Variants in LRRC37A2 observed in about 807,000 individuals in gnomAD.
The protein encoded by LRRC37A2 is leucine rich repeat containing 37 member A2.
Under a neutral mutation model 68.8 loss-of-function variants are expected in LRRC37A2, and 9 were observed. That is an observed-to-expected ratio of 0.13 (90% confidence interval 0.08 to 0.23). The LOEUF (loss-of-function observed/expected upper bound fraction) is 0.23. LRRC37A2 is among the 10% of genes least tolerant of loss of function. The pLI, the probability that LRRC37A2 is intolerant of heterozygous loss-of-function variation, is 1.00. For synonymous variants in LRRC37A2, 63 were observed against 367.6 expected (o/e 0.17, Z 9.48); for missense variants, 168 against 950.4 (o/e 0.18, Z 10.82).
the LRRC37A2 span, chr17:46,938,687 A>G: frequency 6.2e-7 from 1 of 1,613,534 alleles, no homozygotes; most frequent in Non-Finnish European, 8.5e-7. Flanking sequence ...GCTTTCCAGG[A>G]CAAGTACTTT....
At chr17:46,676,208 G>A in the LRRC37A2 span, among the ~76,000 whole-genome samples, 1 of 146,132 alleles carries the variant, frequency 6.8e-6, no homozygotes, top group Non-Finnish European at 1.5e-5. Flanking sequence ...TGGAAGCTGG[G>A]AAATCTCCTA....
the LRRC37A2 span, among the ~76,000 whole-genome samples, chr17:46,982,222 C>A: frequency 1.8e-4 from 28 of 152,296 alleles, no homozygotes; most frequent in South Asian, 5.6e-3. Flanking sequence ...TGCTTTGGCC[C>A]AATTGGATTT....
At chr17:47,018,657 G>A in the LRRC37A2 span, 1 of 1,520,218 alleles carries the variant, frequency 6.6e-7, no homozygotes, top group East Asian at 2.3e-5. Flanking sequence ...TATTAATAAT[G>A]AGAACCCCTC....
the LRRC37A2 span, among the ~76,000 whole-genome samples, chr17:46,716,809 C>T: frequency 6.6e-6 from 1 of 152,192 alleles, no homozygotes; most frequent in Non-Finnish European, 1.5e-5. Flanking sequence ...CACATGAACA[C>T]ATATACCCCC....
the LRRC37A2 span, among the ~76,000 whole-genome samples, chr17:46,392,213 CTTTTTT>C: frequency 1.7e-5 from 1 of 59,412 alleles, no homozygotes; most frequent in Non-Finnish European, 3.8e-5. Flanking sequence ...TTTCTTTTTT[CTTTTTT>C]TTTTTTTTTT....
the LRRC37A2 span, among the ~76,000 whole-genome samples, chr17:46,974,171 C>T: frequency 2.0e-5 from 3 of 152,232 alleles, no homozygotes; most frequent in Non-Finnish European, 4.4e-5. Context: ...GGGATTTGAC[C>T]TAGGCCCTGA....
the LRRC37A2 span, among the ~76,000 whole-genome samples, chr17:46,863,870 G>T: frequency 2.8e-4 from 42 of 152,310 alleles, no homozygotes; most frequent in African/African-American, 1.0e-3. Flanking sequence ...ATCCCAGGGG[G>T]TGTCCTGGAC....
the LRRC37A2 span, among the ~76,000 whole-genome samples, chr17:46,962,910 A>C: frequency 6.6e-6 from 1 of 152,210 alleles, no homozygotes; most frequent in African/African-American, 2.4e-5. Flanking sequence ...CTAACTCATC[A>C]TTTTCATCAA....
chr17:46,924,331 G>A, the LRRC37A2 span: 1 of 152,816 alleles, frequency 6.5e-6, no homozygotes, highest in Non-Finnish European at 1.5e-5. Flanking sequence ...TCCGTTTTAT[G>A]TGTCTACCAC....
chr17:46,869,750 G>C, the LRRC37A2 span, among the ~76,000 whole-genome samples: 1 of 152,106 alleles, frequency 6.6e-6, no homozygotes, highest in Non-Finnish European at 1.5e-5. Flanking sequence ...TGTAATTCCA[G>C]CACTCTGGGA....
At chr17:46,891,489 A>T in the LRRC37A2 span, among the ~76,000 whole-genome samples, 1 of 152,138 alleles carries the variant, frequency 6.6e-6, no homozygotes, top group Non-Finnish European at 1.5e-5. Context: ...TCACCCCACC[A>T]TCTGCAACGT....
the LRRC37A2 span, among the ~76,000 whole-genome samples, chr17:46,760,432 A>G: frequency 6.6e-6 from 1 of 151,624 alleles, no homozygotes; most frequent in Non-Finnish European, 1.5e-5. Flanking sequence ...GGAGTTCAAG[A>G]CCAGCCTGAG....
At chr17:47,000,111 TAA>T in the LRRC37A2 span, among the ~76,000 whole-genome samples, 1 of 134,268 alleles carries the variant, frequency 7.4e-6, no homozygotes, top group African/African-American at 2.6e-5. Flanking sequence ...TAAAATAAAA[TAA>T]AATAAAATAA....
At chr17:46,759,440 A>C in the LRRC37A2 span, among the ~76,000 whole-genome samples, 4 of 152,246 alleles carry the variant, frequency 2.6e-5, no homozygotes, top group African/African-American at 9.6e-5. Flanking sequence ...CAAAATATCC[A>C]AGGAGGGATC....
At chr17:46,611,976 T>TTA in the LRRC37A2 span, among the ~76,000 whole-genome samples, 2 of 101,558 alleles carry the variant, frequency 2.0e-5, no homozygotes, top group African/African-American at 4.5e-5. Flanking sequence ...TATATATATT[T>TTA]TATATATATG....
In LRRC37A2 at chr17:46,534,773, C is replaced by T. The variant is rs1450470261; in HGVS notation, c.2907-5403C>T. On this transcript the variant is annotated intron_variant, in intron 6 of 14. Transcript: ENST00000576629. ...CTCCTCACTTCCCAGAAGGGGCAGC[C>T]GGGCAGAGGCGCCCCCCCACCTCCC... Among the ~76,000 whole-genome samples, 9 of 149,618 alleles carry T rather than the reference C, an allele frequency of 6.0e-5. No individual in the cohort carries two copies. The South Asian group carries it at 6.3e-4, about 10-fold the overall frequency.
chr17:47,031,921 C>CA, the LRRC37A2 span, among the ~76,000 whole-genome samples: 54 of 143,306 alleles, frequency 3.8e-4, 7 homozygotes, highest in South Asian at 0.011. Flanking sequence ...GGAATCCTGG[C>CA]AGCTTCTTCT....
At chr17:46,919,776 G>A in the LRRC37A2 span, among the ~76,000 whole-genome samples, 1 of 152,052 alleles carries the variant, frequency 6.6e-6, no homozygotes, top group Non-Finnish European at 1.5e-5. Context: ...GTGAAACCCT[G>A]TCTCTACTAA....
chr17:46,765,073 G>A, the LRRC37A2 span, among the ~76,000 whole-genome samples: 5 of 152,240 alleles, frequency 3.3e-5, no homozygotes, highest in African/African-American at 7.2e-5. Flanking sequence ...ACTTAATTAC[G>A]AACAATTCCT....
Sources: gnomAD v4.1 joint callset for allele counts (sites outside exome capture counted in the v4.1 genomes callset) on GRCh38, gnomAD v4.1.1 for gene constraint, MANE v1.5 for transcripts, NCBI Gene and HGNC (gene_info 2026-07-23, HGNC 2026-07-21) for gene names.